NRXN3: variants seen among roughly 807,000 people sequenced by gnomAD.
NRXN3 encodes neurexin 3, also known as neurexin III.
NRXN3 carries 32 observed loss-of-function variants against 137.6 expected under a neutral mutation model. The ratio of observed to expected loss-of-function variants is 0.23; its 90% CI spans 0.18 to 0.31. The LOEUF (loss-of-function observed/expected upper bound fraction) is 0.31, where lower values mean the gene tolerates loss of function less well. Among genes scored for constraint, NRXN3 ranks in the 10% least tolerant of loss-of-function variants. The pLI is 1.00. For missense variants in NRXN3, 1,574 were observed against 2,062.5 expected (o/e 0.76, Z 4.59); for synonymous variants, 798 against 784.5 (o/e 1.02, Z -0.29).
chr14:79,034,676 T>G (rs1271492823), intron 15 of NRXN3, among the ~76,000 whole-genome samples: 1 of 152,152 alleles, frequency 6.6e-6, no homozygotes, highest in Non-Finnish European at 1.5e-5. Flanking sequence ...ATAACATTTT[T>G]CTGAGTAATC....
intron 6 of NRXN3, among the ~76,000 whole-genome samples, chr14:78,693,540 G>A (rs985006484): frequency 1.1e-4 from 16 of 151,366 alleles, no homozygotes; most frequent in African/African-American, 2.2e-4. Flanking sequence ...TTTTCTTCAC[G>A]CATTTCTCCC....
chr14:79,431,784 A>T (rs182430790), intron 15 of NRXN3, among the ~76,000 whole-genome samples: 96 of 152,158 alleles, frequency 6.3e-4, no homozygotes, highest in Non-Finnish European at 8.7e-4. Flanking sequence ...AGAAAAAAAA[A>T]CTCTACGCAG....
chr14:79,002,668 G>T (rs2152341417), intron 15 of NRXN3, among the ~76,000 whole-genome samples: 1 of 152,266 alleles, frequency 6.6e-6, no homozygotes, highest in Non-Finnish European at 1.5e-5. Context: ...GAATAGTGCT[G>T]CAATGAACAT....
intron 4 of NRXN3, among the ~76,000 whole-genome samples, chr14:78,358,826 CA>C (rs2084700424): frequency 6.6e-6 from 1 of 152,230 alleles, no homozygotes; most frequent in African/African-American, 2.4e-5. Flanking sequence ...ATGCATTATT[CA>C]GAAGGGTAGA....
At position 79,477,002 on chromosome 14, in the gene NRXN3, G is replaced by C. The variant is rs139013560; in HGVS notation, c.3444+9600G>C. Among the ~76,000 whole-genome samples the C allele has an allele frequency of 3.3e-3, 498 of 152,170 alleles. 2 individuals are homozygous for C. The highest frequency in any genetic ancestry group is 0.012 in the African/African-American group (482 of 41,528). On this transcript the variant is annotated intron_variant, in intron 16 of 20. Coordinates refer to ENST00000335750, the MANE Select transcript of NRXN3 (RefSeq NM_001330195.2). ...TACTTGGGATTGTTGGAGATGTGAA[G>C]AAAGTTAATATCTAGCCGGGGGGTA...
At chr14:79,843,685 CAGG>C (rs1164729102) in intron 20 of NRXN3, among the ~76,000 whole-genome samples, 1 of 152,102 alleles carries the variant, frequency 6.6e-6, no homozygotes, top group Non-Finnish European at 1.5e-5. Flanking sequence ...GCATCTTCAC[CAGG>C]AGATTACTTC....
chr14:78,815,479 C>CTTTGTTTTTTTTTTT (rs2098929318), intron 10 of NRXN3, among the ~76,000 whole-genome samples: 2 of 84,434 alleles, frequency 2.4e-5, no homozygotes, highest in Non-Finnish European at 4.3e-5. Context: ...TTGTTTCTTT[C>CTTTGTTTTTTTTTTT]TTTTTTTTTT....
At chr14:78,649,208 T>A (rs1566971152) in intron 5 of NRXN3, 5 of 1,248,042 alleles carry the variant, frequency 4.0e-6, no homozygotes, top group Non-Finnish European at 4.3e-6. Context: ...TTAGTTTTTT[T>A]AATTAACAAT....
chr14:79,859,408 C>G (rs2099409692), intron 20 of NRXN3, among the ~76,000 whole-genome samples: 1 of 152,160 alleles, frequency 6.6e-6, no homozygotes, highest in Non-Finnish European at 1.5e-5. Flanking sequence ...CTTAGCACAC[C>G]TGAAACCTGG....
At chr14:79,705,917 T>A (rs990122033) in intron 19 of NRXN3, among the ~76,000 whole-genome samples, 4 of 152,200 alleles carry the variant, frequency 2.6e-5, no homozygotes, top group Non-Finnish European at 5.9e-5. Flanking sequence ...GGCACTAAAA[T>A]AGCACAGTGC....
In NRXN3 at chr14:78,243,048, G is replaced by A; in HGVS notation, c.-46G>A. The A allele has an allele frequency of 7.2e-7, 1 of 1,387,320 alleles. No individual in the cohort carries two copies. Among genetic ancestry groups the A allele is most frequent in the Non-Finnish European group, 9.6e-7 (1 of 1,044,086 alleles). The allele number at this position is 1,387,320 out of a possible 1,614,324, so 85.9% of individuals were successfully genotyped here. ...CAAAGGGAGAGATCCTCTCCGGGCT[G>A]TTCCCTGGCCTGTCTGCTCCTCCGG... On this transcript the variant is annotated 5_prime_UTR_variant, in exon 2 of 21. Coordinates refer to ENST00000335750, the MANE Select transcript of NRXN3 (RefSeq NM_001330195.2). The surrounding 1 kb of genome is among the most constrained non-coding windows in gnomAD (Gnocchi z 4.2).
intron 15 of NRXN3, among the ~76,000 whole-genome samples, chr14:79,079,515 T>C (rs976909490): frequency 6.6e-5 from 10 of 152,210 alleles, no homozygotes; most frequent in Non-Finnish European, 1.2e-4. Flanking sequence ...TAAATGGTGA[T>C]ATGGAGAACT....
intron 16 of NRXN3, among the ~76,000 whole-genome samples, chr14:79,619,937 T>C (rs2098204006): frequency 6.6e-6 from 1 of 152,062 alleles, no homozygotes; most frequent in Admixed American, 6.6e-5. Context: ...ATGGGGACCA[T>C]TTGTTTTTAT....
chr14:78,705,904 C>T (rs2098342356), intron 6 of NRXN3, among the ~76,000 whole-genome samples: 1 of 152,240 alleles, frequency 6.6e-6, no homozygotes, highest in Non-Finnish European at 1.5e-5. Flanking sequence ...TGGCCAGTTT[C>T]TGGCCCTTGC....
intron 10 of NRXN3, among the ~76,000 whole-genome samples, chr14:78,913,267 T>TTTCC (rs2099244997): frequency 1.0e-5 from 1 of 99,614 alleles, no homozygotes; most frequent in African/African-American, 4.9e-5. Flanking sequence ...TCTTTCTTTC[T>TTTCC]TTCTTTCTTT....
intron 15 of NRXN3, among the ~76,000 whole-genome samples, chr14:79,408,324 A>T (rs1227961574): frequency 6.6e-6 from 1 of 152,130 alleles, no homozygotes; most frequent in Non-Finnish European, 1.5e-5. Flanking sequence ...TTTATGCTGT[A>T]GGGTCCAACC....
chr14:78,532,931 G>A (rs867452833), intron 4 of NRXN3, among the ~76,000 whole-genome samples: 3 of 151,850 alleles, frequency 2.0e-5, no homozygotes, highest in Admixed American at 6.6e-5. Context: ...TCTCAGAAAC[G>A]TCACATCTTC....
At chr14:78,548,257 C>T (rs547672159) in intron 4 of NRXN3, among the ~76,000 whole-genome samples, 3 of 136,384 alleles carry the variant, frequency 2.2e-5, no homozygotes, top group African/African-American at 7.7e-5. Flanking sequence ...GATAAGCTAT[C>T]TGGATATAAG....
rs146066991 is a variant in NRXN3, at chr14:79,055,617, C to T, written c.3262+67476C>T. 3.7e-3 allele frequency among the ~76,000 whole-genome samples: 567 copies of T among 152,080 alleles called. 2 individuals carry two copies. The highest frequency in any genetic ancestry group is 0.013 in the African/African-American group (546 of 41,492). ...GCTTGAAAAATTACACAGCTCATTA[C>T]GAGCAAGAGAGCAGTATATATATAT... On this transcript the variant is annotated intron_variant, in intron 15 of 20. Transcript: ENST00000335750.
Sources: allele counts gnomAD v4.1 joint callset (sites outside exome capture counted in the v4.1 genomes callset), GRCh38; gene constraint gnomAD v4.1.1; non-coding constraint Gnocchi (gnomAD v3.1); transcripts MANE v1.5; gene names NCBI Gene and HGNC (gene_info 2026-07-23, HGNC 2026-07-21).